The following PLPP4 variants were observed in gnomAD, a reference collection of about 807,000 sequenced individuals.
PLPP4 encodes diacylglycerol pyrophosphate like 2.
PLPP4 carries 20 observed loss-of-function variants against 32.2 expected under a neutral mutation model. The observed-to-expected ratio is 0.62, with a 90% CI of 0.44 to 0.90. PLPP4 has a LOEUF of 0.90. Ranked by LOEUF, PLPP4 falls within the 40% of genes least tolerant of loss-of-function variation. PLPP4 has a pLI of 0.00. For synonymous variants in PLPP4, 127 were observed against 133.0 expected (o/e 0.95, Z 0.31); for missense variants, 257 against 353.1 (o/e 0.73, Z 2.18).
At chr10:120,494,590 G>C (rs553111569) in intron 1 of PLPP4, among the ~76,000 whole-genome samples, 6 of 152,222 alleles carry the variant, frequency 3.9e-5, no homozygotes, top group African/African-American at 4.8e-5. Flanking sequence ...ATCCCCAAGA[G>C]GGGGTGGTAA....
intron 6 of PLPP4, among the ~76,000 whole-genome samples, chr10:120,580,491 AG>A (rs1312618169): frequency 1.3e-5 from 2 of 152,164 alleles, no homozygotes; most frequent in African/African-American, 2.4e-5. Flanking sequence ...CCAGTTACAA[AG>A]GGAACTTTTT....
At chr10:120,585,031 A>G (rs1849687916) in intron 6 of PLPP4, among the ~76,000 whole-genome samples, 1 of 152,214 alleles carries the variant, frequency 6.6e-6, no homozygotes, top group Non-Finnish European at 1.5e-5. Flanking sequence ...AGAATGTTGA[A>G]TGGTGTTATT....
intron 5 of PLPP4, among the ~76,000 whole-genome samples, chr10:120,557,580 G>T (rs539354448): frequency 3.9e-5 from 6 of 152,234 alleles, no homozygotes; most frequent in Non-Finnish European, 8.8e-5. Flanking sequence ...TTTCTGGTTA[G>T]CTGAATCACA....
Position 120,590,343 on chromosome 10 carries a change from G to A in PLPP4, c.*841G>A, listed in dbSNP as rs536679049. On this transcript the variant is annotated 3_prime_UTR_variant, in exon 7 of 7. Coordinates refer to ENST00000398250, the MANE Select transcript of PLPP4 (RefSeq NM_001030059.3). ...TCACAGATCAGAAACCGCATGCCTGGGGCTCATCTCAAGGGAGTGGCTGAG... is the reference window on the plus strand; with the variant it reads ...TCACAGATCAGAAACCGCATGCCTGAGGCTCATCTCAAGGGAGTGGCTGAG... Among the ~76,000 whole-genome samples the A allele has an allele frequency of 6.6e-6, 1 of 152,272 alleles. No individual in the cohort carries two copies. Among genetic ancestry groups the A allele is most frequent in the East Asian group, 1.9e-4 (1 of 5,172 alleles).
intron 5 of PLPP4, among the ~76,000 whole-genome samples, chr10:120,571,093 C>CGT (rs60011757): frequency 0.24 from 35,044 of 144,078 alleles, 4,434 homozygotes; most frequent in Non-Finnish European, 0.31. Flanking sequence ...AGTAAAGGGG[C>CGT]GTGTGTGTGT....
At position 120,586,299 on chromosome 10, in the gene PLPP4, A is replaced by ATTT. The variant is rs3067612; in HGVS notation, c.617-2990_617-2988dup. Among the ~76,000 whole-genome samples the ATTT allele has an allele frequency of 6.9e-3, 948 of 137,544 alleles. 8 individuals are homozygous for ATTT. Among genetic ancestry groups the ATTT allele is most frequent in the East Asian group, 0.029 (132 of 4,592 alleles). 90.2% of individuals were successfully genotyped at this position (137,544 alleles called of 152,430 possible). Reference sequence around the variant, plus strand: ...AAGGCACATGCCAACACACCTGGCTATTTTTTTTTTTTTTTTGTAGTTTTA... The same window carrying ATTT: ...AAGGCACATGCCAACACACCTGGCTATTTTTTTTTTTTTTTTTTTGTAGTTTTA... On this transcript the variant is annotated intron_variant, in intron 6 of 6. Transcript: ENST00000398250.
intron 6 of PLPP4, among the ~76,000 whole-genome samples, chr10:120,586,252 A>G (rs549237724): frequency 6.6e-6 from 1 of 150,568 alleles, no homozygotes; most frequent in East Asian, 2.0e-4. Flanking sequence ...CTCCTTCCTC[A>G]GCCTCCAGAG....
intron 2 of PLPP4, among the ~76,000 whole-genome samples, chr10:120,506,218 G>A (rs1845482170): frequency 6.6e-6 from 1 of 152,116 alleles, no homozygotes. Flanking sequence ...TTCATTAATA[G>A]CAGTTGATAA....
intron 1 of PLPP4, among the ~76,000 whole-genome samples, chr10:120,498,654 C>CTTTT (rs11287636): frequency 3.5e-5 from 5 of 143,410 alleles, no homozygotes; most frequent in Non-Finnish European, 7.6e-5. Context: ...CTCTTCTATT[C>CTTTT]TTTTTTTTTT....
In PLPP4 at chr10:120,566,565, C is replaced by T. The variant is rs148312336; in HGVS notation, c.446-8566C>T. ...ATTCTTTTTTTTTTTTTTTGTCAGACGGAGTCTCACCCTGTCACCCAGGCT... is the reference window on the plus strand; with the variant it reads ...ATTCTTTTTTTTTTTTTTTGTCAGATGGAGTCTCACCCTGTCACCCAGGCT... On this transcript the variant is annotated intron_variant, in intron 5 of 6. Coordinates refer to ENST00000398250, the MANE Select transcript of PLPP4 (RefSeq NM_001030059.3). Among the ~76,000 whole-genome samples, 1,245 of 143,932 alleles carry T rather than the reference C, an allele frequency of 8.6e-3. 22 individuals are homozygous for T. The highest frequency in any genetic ancestry group is 0.031 in the African/African-American group (1,191 of 38,750). The allele number at this position is 143,932 out of a possible 152,430, so 94.4% of individuals were successfully genotyped here. A position where few individuals can be genotyped will look rare whatever the true frequency, so the allele number is the denominator to read the frequency against.
chr10:120,581,085 T>A, intron 6 of PLPP4: 1 of 1,264,014 alleles, frequency 7.9e-7, no homozygotes, highest in South Asian at 1.3e-5. Context: ...CCACTGCATA[T>A]CCTGCTTTCA....
intron 1 of PLPP4, among the ~76,000 whole-genome samples, chr10:120,501,709 T>A (rs980637489): frequency 7.2e-5 from 11 of 152,198 alleles, no homozygotes; most frequent in African/African-American, 2.7e-4. Flanking sequence ...CCCTTAGGTA[T>A]CATTTAGTTC....
chr10:120,558,790 A>C (rs1848283904), intron 5 of PLPP4, among the ~76,000 whole-genome samples: 2 of 152,238 alleles, frequency 1.3e-5, no homozygotes, highest in Non-Finnish European at 1.5e-5. Context: ...AAATCATTCT[A>C]ATGCTCATGG....
At chr10:120,515,692 T>A (rs1845908630) in intron 3 of PLPP4, among the ~76,000 whole-genome samples, 1 of 152,226 alleles carries the variant, frequency 6.6e-6, no homozygotes, top group South Asian at 2.1e-4. Flanking sequence ...CAGGTAGGTG[T>A]GCCTCCACAC....
intron 5 of PLPP4, among the ~76,000 whole-genome samples, chr10:120,548,600 G>A (rs1847742667): frequency 6.6e-6 from 1 of 152,150 alleles, no homozygotes; most frequent in African/African-American, 2.4e-5. Flanking sequence ...ATCCAATAAT[G>A]GGATTGCTGG....
chr10:120,571,141 G>C (rs1848923339), intron 5 of PLPP4, among the ~76,000 whole-genome samples: 1 of 148,916 alleles, frequency 6.7e-6, no homozygotes, highest in Non-Finnish European at 1.5e-5. Flanking sequence ...TGGTCTGTGT[G>C]TCTCCAACTC....
chr10:120,560,274 G>A lies in PLPP4; in HGVS notation c.446-14857G>A, dbSNP rs562844314. Reference sequence around the variant, plus strand: ...GACTATGCACTATAGGTTGAGGTCTGTAACTGTGGTTGCCCACCATTTCAA... The same window carrying A: ...GACTATGCACTATAGGTTGAGGTCTATAACTGTGGTTGCCCACCATTTCAA... On this transcript the variant is annotated intron_variant, in intron 5 of 6. Coordinates refer to ENST00000398250, the MANE Select transcript of PLPP4 (RefSeq NM_001030059.3). 1.4e-4 allele frequency among the ~76,000 whole-genome samples: 21 copies of A among 149,498 alleles called. No homozygotes were observed. The South Asian group carries it at 4.2e-3, about 30-fold the overall frequency.
chr10:120,545,110 G>T (rs1325562195), intron 5 of PLPP4, among the ~76,000 whole-genome samples: 2 of 152,226 alleles, frequency 1.3e-5, no homozygotes, highest in East Asian at 3.9e-4. Context: ...AGGGCTGCCA[G>T]TTTGCCTGCA....
intron 5 of PLPP4, among the ~76,000 whole-genome samples, chr10:120,529,348 G>A (rs766750667): frequency 2.0e-5 from 3 of 152,144 alleles, no homozygotes; most frequent in Non-Finnish European, 4.4e-5. Context: ...GAGGAAGCCT[G>A]TTCTAGGGTA....
Sources: gnomAD v4.1 joint callset for allele counts (sites outside exome capture counted in the v4.1 genomes callset) on GRCh38, gnomAD v4.1.1 for gene constraint, MANE v1.5 for transcripts, NCBI Gene and HGNC (gene_info 2026-07-23, HGNC 2026-07-21) for gene names.